The following ZDHHC21 variants were observed in gnomAD, a reference collection of about 807,000 sequenced individuals.
ZDHHC21 encodes the protein zDHHC palmitoyltransferase 21.
A neutral mutation model predicts 34.6 loss-of-function variants in ZDHHC21; 15 were observed. That is an observed-to-expected ratio of 0.43 (90% confidence interval 0.29 to 0.67). The LOEUF is 0.67. Among genes scored for constraint, ZDHHC21 ranks in the 30% least tolerant of loss-of-function variants. The pLI, the probability that ZDHHC21 is intolerant of heterozygous loss-of-function variation, is 0.14. For missense variants in ZDHHC21, 344 were observed against 327.7 expected (o/e 1.05, Z -0.38); for synonymous variants, 142 against 101.8 (o/e 1.40, Z -2.38).
the ZDHHC21 span, among the ~76,000 whole-genome samples, chr9:14,595,418 C>T: frequency 6.6e-6 from 1 of 152,136 alleles, no homozygotes; most frequent in Non-Finnish European, 1.5e-5. Context: ...TAAAAGACTA[C>T]ATAATGTATG....
At chr9:14,602,185 G>T in the ZDHHC21 span, among the ~76,000 whole-genome samples, 1 of 151,668 alleles carries the variant, frequency 6.6e-6, no homozygotes. Flanking sequence ...TATCGGAACT[G>T]AAGAATTCAA....
chr9:14,684,763 AAAC>A (rs1441216991), intron 2 of ZDHHC21, among the ~76,000 whole-genome samples: 1 of 152,112 alleles, frequency 6.6e-6, no homozygotes, highest in Admixed American at 6.5e-5. Flanking sequence ...TAAGCAAAAA[AAAC>A]AAAGCTGGAG....
intron 8 of ZDHHC21, among the ~76,000 whole-genome samples, chr9:14,636,056 TATC>T (rs1315010258): frequency 1.3e-5 from 2 of 152,138 alleles, no homozygotes; most frequent in Non-Finnish European, 2.9e-5. Flanking sequence ...AAGCCTCACA[TATC>T]AATAATAATC....
intron 7 of ZDHHC21, among the ~76,000 whole-genome samples, chr9:14,643,327 A>C (rs1325096803): frequency 6.6e-6 from 1 of 152,106 alleles, no homozygotes; most frequent in African/African-American, 2.4e-5. Context: ...AACCAAGTAG[A>C]GCCTCCTGTG....
intron 2 of ZDHHC21, among the ~76,000 whole-genome samples, chr9:14,681,151 A>C (rs1587443226): frequency 6.6e-6 from 1 of 152,236 alleles, no homozygotes; most frequent in East Asian, 1.9e-4. Flanking sequence ...ATATATATGA[A>C]TAACTAAAAA....
intron 8 of ZDHHC21, among the ~76,000 whole-genome samples, chr9:14,633,686 C>T (rs1222954026): frequency 1.3e-5 from 2 of 152,176 alleles, no homozygotes; most frequent in East Asian, 1.9e-4. Context: ...GCACAAACTA[C>T]TGGCAAACAC....
the ZDHHC21 span, among the ~76,000 whole-genome samples, chr9:14,600,185 G>T: frequency 6.6e-6 from 1 of 152,188 alleles, no homozygotes; most frequent in East Asian, 1.9e-4. Context: ...GAAATAAAGG[G>T]TATTCAAATA....
At chr9:14,675,739 T>A (rs1322853470) in intron 3 of ZDHHC21, among the ~76,000 whole-genome samples, 1 of 151,916 alleles carries the variant, frequency 6.6e-6, no homozygotes, top group Non-Finnish European at 1.5e-5. Flanking sequence ...TATGGTAAGT[T>A]CCAGATTTGA....
At chr9:14,644,734 A>G (rs542285811) in intron 7 of ZDHHC21, among the ~76,000 whole-genome samples, 1 of 151,898 alleles carries the variant, frequency 6.6e-6, no homozygotes, top group Admixed American at 6.6e-5. Context: ...GATAAACTCA[A>G]TTTGATCAGG....
chr9:14,689,352 A>G (rs1162539882), intron 2 of ZDHHC21, among the ~76,000 whole-genome samples: 1 of 152,246 alleles, frequency 6.6e-6, no homozygotes. Flanking sequence ...TCAGAAGCTA[A>G]TAAAGAATGT....
intron 8 of ZDHHC21, among the ~76,000 whole-genome samples, chr9:14,628,348 G>T (rs1448456859): frequency 1.3e-5 from 2 of 152,070 alleles, no homozygotes; most frequent in Non-Finnish European, 2.9e-5. Flanking sequence ...AGGAAGATGA[G>T]ATAAATGATT....
chr9:14,597,439 G>A, the ZDHHC21 span, among the ~76,000 whole-genome samples: 1 of 152,160 alleles, frequency 6.6e-6, no homozygotes, highest in Non-Finnish European at 1.5e-5. Flanking sequence ...AAAGGGAGCT[G>A]AAGCACACAC....
At chr9:14,685,370 A>C (rs1162964082) in intron 2 of ZDHHC21, among the ~76,000 whole-genome samples, 4 of 151,520 alleles carry the variant, frequency 2.6e-5, no homozygotes, top group African/African-American at 9.7e-5. Context: ...AAAAACAAAC[A>C]ACCCCATCAA....
intron 8 of ZDHHC21, among the ~76,000 whole-genome samples, chr9:14,638,617 T>C (rs752013949): frequency 6.6e-6 from 1 of 151,538 alleles, no homozygotes; most frequent in Non-Finnish European, 1.5e-5. Context: ...GACAAAACAC[T>C]TGAACTTTTT....
At position 14,639,883 on chromosome 9, in the gene ZDHHC21, A is replaced by G. The variant is rs1034211501; in HGVS notation, c.621+13T>C. 2 of 1,416,966 alleles carry G rather than the reference A, an allele frequency of 1.4e-6. No individual in the cohort carries two copies. The highest frequency in any genetic ancestry group is 2.9e-5 in the African/African-American group (2 of 70,124). 87.8% of individuals were successfully genotyped at this position (1,416,966 alleles called of 1,614,324 possible). On this transcript the variant is annotated intron_variant, in intron 8 of 9. Transcript: ENST00000380916. The stretch of plus-strand genomic sequence containing the variant: ...TATTCATAAATGTTACTTTACATTA[A>G]AAATATACTTACTGTGATGATGCCA...
intron 7 of ZDHHC21, among the ~76,000 whole-genome samples, chr9:14,658,449 T>C (rs1389393873): frequency 6.8e-6 from 1 of 146,742 alleles, no homozygotes; most frequent in African/African-American, 2.5e-5. Flanking sequence ...CTAATGTTAG[T>C]GGATATAAAC....
intron 5 of ZDHHC21, among the ~76,000 whole-genome samples, chr9:14,663,622 G>A (rs1242290426): frequency 5.3e-5 from 8 of 150,180 alleles, no homozygotes; most frequent in African/African-American, 1.7e-4. Flanking sequence ...TCAACATGCT[G>A]GACTTTTATA....
At chr9:14,647,025 C>T (rs1207653673) in intron 7 of ZDHHC21, among the ~76,000 whole-genome samples, 1 of 152,052 alleles carries the variant, frequency 6.6e-6, no homozygotes, top group East Asian at 1.9e-4. Context: ...CTTCCCTCAA[C>T]ATGTGAAGAG....
intron 1 of ZDHHC21, among the ~76,000 whole-genome samples, chr9:14,690,701 G>GTA (rs1839033325): frequency 6.6e-6 from 1 of 152,082 alleles, no homozygotes; most frequent in Non-Finnish European, 1.5e-5. Context: ...TCATACTAAG[G>GTA]TATTTTTGTT....
Sources: gnomAD v4.1 joint callset for allele counts (sites outside exome capture counted in the v4.1 genomes callset) on GRCh38, gnomAD v4.1.1 for gene constraint, MANE v1.5 for transcripts, NCBI Gene and HGNC (gene_info 2026-07-23, HGNC 2026-07-21) for gene names.